Variants in CORIN observed in about 807,000 individuals in gnomAD.
The protein encoded by CORIN is atrial natriuretic peptide-converting enzyme.
In CORIN, 117 loss-of-function variants were observed where a neutral mutation model predicts 125.3. The ratio of observed to expected loss-of-function variants is 0.93; its 90% CI spans 0.80 to 1.09. CORIN has a LOEUF of 1.09. CORIN is among the 50% of genes least tolerant of loss of function. The probability of loss-of-function intolerance (pLI) is 0.00; values close to 1 mark genes in which losing one functional copy is unlikely to be tolerated. For synonymous variants in CORIN, 450 were observed against 466.4 expected (o/e 0.96, Z 0.45); for missense variants, 1,253 against 1,306.7 (o/e 0.96, Z 0.63).
chr4:47,622,450 G>T (rs1308085897), intron 19 of CORIN, among the ~76,000 whole-genome samples: 1 of 149,780 alleles, frequency 6.7e-6, no homozygotes, highest in Non-Finnish European at 1.5e-5. Context: ...GGTTGAACTA[G>T]TTTACAGTCC....
At chr4:47,706,462 C>G (rs911290407) in intron 5 of CORIN, 2 of 1,610,950 alleles carry the variant, frequency 1.2e-6, no homozygotes, top group Non-Finnish European at 1.7e-6. Context: ...CTGGCAGTAC[C>G]GCCAGCTCTC....
At chr4:47,605,784 G>C (rs377382500) in intron 19 of CORIN, among the ~76,000 whole-genome samples, 1 of 152,080 alleles carries the variant, frequency 6.6e-6, no homozygotes. Context: ...GAGCTCTCTA[G>C]GGAATCTTAG....
intron 4 of CORIN, among the ~76,000 whole-genome samples, chr4:47,751,773 T>A (rs1728912808): frequency 1.3e-5 from 2 of 152,348 alleles, no homozygotes; most frequent in South Asian, 2.1e-4. Flanking sequence ...AAGACAGTAG[T>A]ATGTTTTATT....
intron 4 of CORIN, among the ~76,000 whole-genome samples, chr4:47,753,505 G>A (rs954698941): frequency 2.0e-5 from 3 of 152,020 alleles, no homozygotes; most frequent in Admixed American, 1.3e-4. Flanking sequence ...TATCTCAACC[G>A]CATCAGACAG....
chr4:47,727,634 A>C (rs941437808), intron 5 of CORIN, among the ~76,000 whole-genome samples: 7 of 152,086 alleles, frequency 4.6e-5, no homozygotes, highest in Non-Finnish European at 1.5e-5. Flanking sequence ...ATTACACTGT[A>C]ATGAAATTCT....
chr4:47,602,786 T>C (rs1427598421), intron 20 of CORIN, among the ~76,000 whole-genome samples: 1 of 152,210 alleles, frequency 6.6e-6, no homozygotes, highest in Non-Finnish European at 1.5e-5. Flanking sequence ...GCACAGCAGA[T>C]GAAGTGTGAC....
rs575948192 is a variant in CORIN at position 47,705,284 on chromosome 4, A to T, written c.800-12201T>A. ...CTACATGAAAGTTTTGCAAACGTGAAGTCTAACATGTCAGTCTTTATGGTT... is the reference window on the plus strand; with the variant it reads ...CTACATGAAAGTTTTGCAAACGTGATGTCTAACATGTCAGTCTTTATGGTT... On this transcript the variant is annotated intron_variant, in intron 5 of 21. Coordinates refer to ENST00000273857, the MANE Select transcript of CORIN (RefSeq NM_006587.4). Among the ~76,000 whole-genome samples, 34 of 152,346 alleles carry T rather than the reference A, an allele frequency of 2.2e-4. 1 individual carries two copies. The South Asian group carries it at 7.0e-3, about 32-fold the overall frequency.
intron 13 of CORIN, 58 bp downstream of exon 13, chr4:47,653,492 TTTC>T: frequency 7.4e-7 from 1 of 1,352,728 alleles, no homozygotes; most frequent in South Asian, 1.2e-5. Flanking sequence ...TTTAACACAG[TTTC>T]TTATTTTATT....
At chr4:47,679,583 C>T (rs1304312664) in intron 8 of CORIN, 1 of 152,448 alleles carries the variant, frequency 6.6e-6, no homozygotes, top group Non-Finnish European at 1.5e-5. Flanking sequence ...AACTCCTGAC[C>T]TCAGGTCATC....
chr4:47,694,625 T>C (rs575531306), intron 5 of CORIN, among the ~76,000 whole-genome samples: 4 of 152,178 alleles, frequency 2.6e-5, no homozygotes, highest in Non-Finnish European at 4.4e-5. Flanking sequence ...GCAATAGAAA[T>C]AGAGAAAAGT....
At chr4:47,610,518 T>A (rs1028837816) in intron 19 of CORIN, among the ~76,000 whole-genome samples, 4 of 152,174 alleles carry the variant, frequency 2.6e-5, no homozygotes, top group Admixed American at 2.6e-4. Context: ...GATAAATAAA[T>A]TGCAATTATT....
intron 5 of CORIN, among the ~76,000 whole-genome samples, chr4:47,710,707 T>C (rs1163173713): frequency 1.3e-5 from 2 of 152,212 alleles, no homozygotes; most frequent in African/African-American, 2.4e-5. Flanking sequence ...GCCCTGTAAT[T>C]ACCAGCTGAA....
At position 47,642,831 on chromosome 4, in the gene CORIN, A is replaced by G; in HGVS notation, c.2068+315T>C. ...AGAGGTGACAAAAGAATGGCAGACTATCATTAAATTTATTGAAGTTGGGTT... is the reference window on the plus strand; with the variant it reads ...AGAGGTGACAAAAGAATGGCAGACTGTCATTAAATTTATTGAAGTTGGGTT... On this transcript the variant is annotated intron_variant, in intron 15 of 21. Coordinates refer to ENST00000273857, the MANE Select transcript of CORIN (RefSeq NM_006587.4). The G allele has an allele frequency of 6.9e-6, 10 of 1,449,136 alleles. 1 individual carries two copies. The South Asian group carries it at 1.2e-4, about 17-fold the overall frequency. The allele number at this position is 1,449,136 out of a possible 1,614,324, so 89.8% of individuals were successfully genotyped here. A position where few individuals can be genotyped will look rare whatever the true frequency, so the allele number is the denominator to read the frequency against.
In CORIN at chr4:47,730,333, C is replaced by T. The variant is rs558437921; in HGVS notation, c.799+14069G>A. On this transcript the variant is annotated intron_variant, in intron 5 of 21. Transcript: ENST00000273857. ...ACTAAAAATACAAAAATTAGCCAGG[C>T]GTGGTGGCGGCTGCCTGTAGTCCTA... Among the ~76,000 whole-genome samples the T allele has an allele frequency of 1.6e-4, 25 of 152,048 alleles. 1 individual carries two copies. The highest frequency in any genetic ancestry group is 1.2e-3 in the South Asian group (6 of 4,816).
At position 47,744,598 on chromosome 4, in the gene CORIN, A is replaced by G. The variant is rs752796981; in HGVS notation, c.618-15T>C. The G allele has an allele frequency of 3.9e-6, 6 of 1,546,450 alleles. No individual in the cohort carries two copies. The East Asian group carries it at 1.1e-4, about 29-fold the overall frequency. On this transcript the variant is annotated splice_polypyrimidine_tract_variant and intron_variant, in intron 4 of 21. Coordinates refer to ENST00000273857, the MANE Select transcript of CORIN (RefSeq NM_006587.4). ...GGAGTCCATGACTAAAAAAAAAAAA[A>G]GAGAAAGGTGAAAATTAGTGTCTTT...
chr4:47,836,859 C>G (rs931446854), intron 1 of CORIN, among the ~76,000 whole-genome samples: 11 of 152,228 alleles, frequency 7.2e-5, no homozygotes, highest in African/African-American at 2.7e-4. Flanking sequence ...CAAGACACCA[C>G]CTCCCTTCCG....
At chr4:47,620,289 T>C (rs766188229) in intron 19 of CORIN, among the ~76,000 whole-genome samples, 2 of 152,172 alleles carry the variant, frequency 1.3e-5, no homozygotes, top group Non-Finnish European at 2.9e-5. Flanking sequence ...ATTGTTAAAA[T>C]GGCAGCAAAC....
At chr4:47,607,349 A>C (rs1022561285) in intron 19 of CORIN, among the ~76,000 whole-genome samples, 2 of 152,054 alleles carry the variant, frequency 1.3e-5, no homozygotes, top group African/African-American at 4.8e-5. Flanking sequence ...CAGAACTTGC[A>C]GTGAGCCCAG....
chr4:47,772,565 C>A (rs868851635), intron 3 of CORIN, among the ~76,000 whole-genome samples: 2 of 152,162 alleles, frequency 1.3e-5, no homozygotes, highest in South Asian at 2.1e-4. Context: ...AAACAGTTTT[C>A]TATACATAAT....
Sources: gnomAD v4.1 joint callset for allele counts (sites outside exome capture counted in the v4.1 genomes callset) on GRCh38, gnomAD v4.1.1 for gene constraint, MANE v1.5 for transcripts, NCBI Gene and HGNC (gene_info 2026-07-23, HGNC 2026-07-21) for gene names.